The following CACNA2D3 variants were observed in gnomAD, a reference collection of about 807,000 sequenced individuals.
CACNA2D3 encodes calcium voltage-gated channel auxiliary subunit alpha2delta 3, also known as voltage-dependent calcium channel subunit alpha-2/delta-3.
CACNA2D3 carries 60 observed loss-of-function variants against 160.6 expected under a neutral mutation model. That is an observed-to-expected ratio of 0.37 (90% confidence interval 0.30 to 0.46). CACNA2D3 has a LOEUF of 0.46. CACNA2D3 is among the 20% of genes least tolerant of loss of function. The probability of loss-of-function intolerance (pLI) is 1.00; values close to 1 mark genes in which losing one functional copy is unlikely to be tolerated. For synonymous variants in CACNA2D3, 558 were observed against 492.9 expected (o/e 1.13, Z -1.75); for missense variants, 1,205 against 1,365.0 (o/e 0.88, Z 1.85).
intron 2 of CACNA2D3, among the ~76,000 whole-genome samples, chr3:54,264,890 C>G (rs1333408951): frequency 6.6e-6 from 1 of 152,172 alleles, no homozygotes; most frequent in Non-Finnish European, 1.5e-5. Flanking sequence ...CAGCTTCATC[C>G]ATGTCCCTGC....
chr3:54,781,515 C>T lies in CACNA2D3; in HGVS notation c.1380+17164C>T, dbSNP rs114107933. The stretch of plus-strand genomic sequence containing the variant: ...CTTGCAGAACCAGATGTAAAGTTAC[C>T]TAGTTCATTGACAAAAGACATCTAC... On this transcript the variant is annotated intron_variant, in intron 13 of 37. Coordinates refer to ENST00000474759, the MANE Select transcript of CACNA2D3 (RefSeq NM_018398.3). 8.5e-3 allele frequency among the ~76,000 whole-genome samples: 1,300 copies of T among 152,284 alleles called. 18 individuals are homozygous for T. Among genetic ancestry groups the T allele is most frequent in the African/African-American group, 0.029 (1,207 of 41,554 alleles).
intron 13 of CACNA2D3, among the ~76,000 whole-genome samples, chr3:54,769,817 G>C (rs889610332): frequency 2.6e-5 from 4 of 152,126 alleles, no homozygotes; most frequent in Admixed American, 6.5e-5. Context: ...AGTATGATGA[G>C]TATCTTGGAA....
chr3:54,924,565 T>C lies in CACNA2D3; in HGVS notation c.2449+24697T>C, dbSNP rs113006965. 1.3e-4 allele frequency: 181 copies of C among 1,397,984 alleles called. 1 individual carries two copies. The African/African-American group carries it at 1.8e-3, about 14-fold the overall frequency. 86.6% of individuals were successfully genotyped at this position (1,397,984 alleles called of 1,614,324 possible). ...TTTCTAATGCAGAGAACAGATGAGA[T>C]TCATCCTAGGCTGGTAACACACAGA... On this transcript the variant is annotated intron_variant, in intron 27 of 37. Transcript: ENST00000474759.
chr3:54,559,123 G>A (rs547005407), intron 5 of CACNA2D3, among the ~76,000 whole-genome samples: 77 of 152,140 alleles, frequency 5.1e-4, no homozygotes, highest in African/African-American at 1.3e-3. Context: ...CTCTAAGAAC[G>A]GAATGTTGCT....
rs559333897 is a variant in CACNA2D3, at chr3:54,392,025, AG to A, written c.381+5253del. Among the ~76,000 whole-genome samples, 3 of 152,330 alleles carry A rather than the reference AG, an allele frequency of 2.0e-5. No individual in the cohort carries two copies. In the South Asian group the frequency reaches 6.2e-4, roughly 32 times the overall value. On this transcript the variant is annotated intron_variant, in intron 4 of 37. Coordinates refer to ENST00000474759, the MANE Select transcript of CACNA2D3 (RefSeq NM_018398.3). Reference sequence around the variant, plus strand: ...TTTACTTTATGCTGCGAATTAACATAGGCTTTTCTTAAAAGATTGATAGTTC... The same window carrying A: ...TTTACTTTATGCTGCGAATTAACATAGCTTTTCTTAAAAGATTGATAGTTC...
intron 4 of CACNA2D3, among the ~76,000 whole-genome samples, chr3:54,491,137 T>G (rs570912169): frequency 6.6e-6 from 1 of 152,368 alleles, no homozygotes; most frequent in African/African-American, 2.4e-5. Flanking sequence ...GCTTTGCTGC[T>G]GACCATGTGT....
At chr3:54,705,149 G>C (rs1211721623) in intron 11 of CACNA2D3, among the ~76,000 whole-genome samples, 3 of 152,114 alleles carry the variant, frequency 2.0e-5, no homozygotes, top group Non-Finnish European at 2.9e-5. Flanking sequence ...CAAATGTACT[G>C]AATACCCACT....
chr3:54,847,709 G>A (rs1472131850), intron 17 of CACNA2D3, among the ~76,000 whole-genome samples: 2 of 152,146 alleles, frequency 1.3e-5, no homozygotes, highest in Admixed American at 6.5e-5. Context: ...AATTCCAAAT[G>A]TAACTCAGAA....
intron 2 of CACNA2D3, among the ~76,000 whole-genome samples, chr3:54,157,835 C>CA (rs5849032): frequency 0.026 from 3,425 of 133,672 alleles, 96 homozygotes; most frequent in East Asian, 0.17. Flanking sequence ...CCCAACCAAA[C>CA]AAAAAAAAAA....
At chr3:55,007,139 C>T (rs1703115664) in intron 32 of CACNA2D3, among the ~76,000 whole-genome samples, 1 of 152,078 alleles carries the variant, frequency 6.6e-6, no homozygotes, top group South Asian at 2.1e-4. Context: ...GTAAACAATC[C>T]AACTGCTTTT....
intron 5 of CACNA2D3, among the ~76,000 whole-genome samples, chr3:54,541,713 G>T (rs1701982038): frequency 6.6e-6 from 1 of 152,222 alleles, no homozygotes; most frequent in Non-Finnish European, 1.5e-5. Flanking sequence ...CATCAAGAAA[G>T]ATCATGAAGG....
chr3:54,412,333 A>T (rs979371785), intron 4 of CACNA2D3, among the ~76,000 whole-genome samples: 1 of 152,032 alleles, frequency 6.6e-6, no homozygotes, highest in Non-Finnish European at 1.5e-5. Context: ...AACCTGTGGT[A>T]TTAAAGTCTT....
At chr3:54,832,922 T>C (rs1326071999) in intron 14 of CACNA2D3, among the ~76,000 whole-genome samples, 1 of 152,206 alleles carries the variant, frequency 6.6e-6, no homozygotes. Flanking sequence ...AAGTCCTGTG[T>C]TGTTATACTC....
At chr3:55,050,280 C>T (rs530930687) in intron 35 of CACNA2D3, among the ~76,000 whole-genome samples, 1 of 151,520 alleles carries the variant, frequency 6.6e-6, no homozygotes, top group East Asian at 1.9e-4. Context: ...CCTTCAGGAG[C>T]TCTTGTAAGG....
intron 2 of CACNA2D3, among the ~76,000 whole-genome samples, chr3:54,256,614 G>A (rs1702298700): frequency 6.6e-6 from 1 of 152,140 alleles, no homozygotes; most frequent in Non-Finnish European, 1.5e-5. Context: ...ACATTTTTCT[G>A]TATGCACTAG....
chr3:54,390,411 T>G (rs1381721488), intron 4 of CACNA2D3, among the ~76,000 whole-genome samples: 2 of 152,214 alleles, frequency 1.3e-5, no homozygotes, highest in Non-Finnish European at 2.9e-5. Context: ...AGTCTCTAGT[T>G]TTTGTTCTCT....
chr3:55,004,115 T>A (rs1245715032), intron 31 of CACNA2D3, among the ~76,000 whole-genome samples: 1 of 152,236 alleles, frequency 6.6e-6, no homozygotes, highest in Non-Finnish European at 1.5e-5. Context: ...ATAATTGGGA[T>A]GAAAGCCATA....
At chr3:54,687,210 G>A (rs1323022118) in intron 11 of CACNA2D3, among the ~76,000 whole-genome samples, 3 of 141,730 alleles carry the variant, frequency 2.1e-5, no homozygotes, top group Non-Finnish European at 3.0e-5. Flanking sequence ...GTGCCATCTC[G>A]GCTCACTGCA....
chr3:54,678,445 G>C (rs533776257), intron 11 of CACNA2D3, among the ~76,000 whole-genome samples: 1 of 152,046 alleles, frequency 6.6e-6, no homozygotes, highest in Non-Finnish European at 1.5e-5. Flanking sequence ...ATGACTGGCC[G>C]GGCGCGGTGG....
Sources: gnomAD v4.1 joint callset for allele counts (sites outside exome capture counted in the v4.1 genomes callset) on GRCh38, gnomAD v4.1.1 for gene constraint, MANE v1.5 for transcripts, NCBI Gene and HGNC (gene_info 2026-07-23, HGNC 2026-07-21) for gene names.